The following TAFA1 variants were observed in gnomAD, a reference collection of about 807,000 sequenced individuals.
TAFA1 encodes the protein TAFA chemokine like family member 1, also known as chemokine-like protein TAFA-1.
TAFA1 carries 4 observed loss-of-function variants against 18.5 expected under a neutral mutation model. The ratio of observed to expected loss-of-function variants is 0.22; its 90% CI spans 0.11 to 0.49. TAFA1 has a LOEUF of 0.49. TAFA1 is among the 20% of genes least tolerant of loss of function. The pLI is 0.98. For synonymous variants in TAFA1, 56 were observed against 55.2 expected, an observed-to-expected ratio of 1.01 and a Z score of -0.06; for missense variants, 147 against 169.0, an observed-to-expected ratio of 0.87 and a Z score of 0.72.
intron 2 of TAFA1, among the ~76,000 whole-genome samples, chr3:68,104,540 A>G (rs1170112740): frequency 6.6e-6 from 1 of 152,110 alleles, no homozygotes; most frequent in Non-Finnish European, 1.5e-5. Context: ...AACAAATTAC[A>G]TTCAAATGAA....
rs536549315 is a variant in TAFA1 at position 68,272,976 on chromosome 3, C to T, written c.119-144304C>T. On this transcript the variant is annotated intron_variant, in intron 2 of 4. Transcript: ENST00000478136. The stretch of plus-strand genomic sequence containing the variant: ...AGGGCCTGGCCTGGCCTGTTCTGTC[C>T]GTATCTCTATGCTATCCATGGGAGT... Among the ~76,000 whole-genome samples, 23 of 151,948 alleles carry T rather than the reference C, an allele frequency of 1.5e-4. No homozygotes were observed. In the South Asian group the frequency reaches 2.7e-3, roughly 18 times the overall value.
At chr3:68,318,915 A>G (rs2068650943) in intron 2 of TAFA1, among the ~76,000 whole-genome samples, 1 of 152,198 alleles carries the variant, frequency 6.6e-6, no homozygotes, top group African/African-American at 2.4e-5. Context: ...AACTAGAAAC[A>G]GAATTCATAA....
At chr3:68,366,122 T>C (rs1285557885) in intron 2 of TAFA1, among the ~76,000 whole-genome samples, 6 of 148,362 alleles carry the variant, frequency 4.0e-5, no homozygotes, top group African/African-American at 1.5e-4. Flanking sequence ...TCAGATCTCG[T>C]GAGACTTATT....
intron 2 of TAFA1, among the ~76,000 whole-genome samples, chr3:68,085,501 A>T (rs1398724212): frequency 1.3e-5 from 2 of 152,210 alleles, no homozygotes; most frequent in Non-Finnish European, 2.9e-5. Flanking sequence ...ATTCTCCTGG[A>T]GGTTAAATGT....
intron 2 of TAFA1, among the ~76,000 whole-genome samples, chr3:68,129,203 A>G (rs1446315216): frequency 6.6e-6 from 1 of 152,216 alleles, no homozygotes; most frequent in Non-Finnish European, 1.5e-5. Context: ...TTTGCCTAAC[A>G]TCAGACAGCT....
chr3:68,179,622 C>G (rs1365941584), intron 2 of TAFA1, among the ~76,000 whole-genome samples: 1 of 152,202 alleles, frequency 6.6e-6, no homozygotes, highest in African/African-American at 2.4e-5. Flanking sequence ...TTGTTTGCAA[C>G]TCCAGCCCTG....
intron 2 of TAFA1, among the ~76,000 whole-genome samples, chr3:68,073,880 G>C (rs545496342): frequency 6.6e-6 from 1 of 152,124 alleles, no homozygotes; most frequent in Non-Finnish European, 1.5e-5. Context: ...CAGGTTTTGT[G>C]GAAGACAATT....
chr3:68,387,728 C>T (rs1180227792), intron 2 of TAFA1, among the ~76,000 whole-genome samples: 1 of 152,120 alleles, frequency 6.6e-6, no homozygotes, highest in East Asian at 1.9e-4. Context: ...AAAGATTCCC[C>T]ATATGAGGTC....
In TAFA1 at chr3:68,107,357, C is replaced by T. The variant is rs555340068; in HGVS notation, c.118+100613C>T. 2.0e-5 allele frequency among the ~76,000 whole-genome samples: 3 copies of T among 152,192 alleles called. No individual in the cohort carries two copies. In the South Asian group the frequency reaches 6.2e-4, roughly 32 times the overall value. ...CATTAATGTTAATAGCAGTTTTATT[C>T]ATACTTGCCCCAAACTGGAAACAAT... On this transcript the variant is annotated intron_variant, in intron 2 of 4. Coordinates refer to ENST00000478136, the MANE Select transcript of TAFA1 (RefSeq NM_213609.4).
chr3:68,371,248 T>C (rs2069701149), intron 2 of TAFA1, among the ~76,000 whole-genome samples: 1 of 152,206 alleles, frequency 6.6e-6, no homozygotes, highest in Non-Finnish European at 1.5e-5. Context: ...CTGGAATACA[T>C]GTGCAGAACG....
At chr3:68,243,078 AT>A (rs141209592) in intron 2 of TAFA1, among the ~76,000 whole-genome samples, 3,857 of 149,402 alleles carry the variant, frequency 0.026, 168 homozygotes, top group African/African-American at 0.088. Flanking sequence ...TTCTTTAATG[AT>A]TTTTTTTTTC....
intron 2 of TAFA1, among the ~76,000 whole-genome samples, chr3:68,227,433 T>G (rs928631820): frequency 6.6e-6 from 1 of 152,188 alleles, no homozygotes; most frequent in Admixed American, 6.5e-5. Flanking sequence ...AACATAATTA[T>G]GTGGGCTGGA....
At chr3:68,041,979 G>T (rs777802732) in intron 2 of TAFA1, among the ~76,000 whole-genome samples, 38 of 152,100 alleles carry the variant, frequency 2.5e-4, no homozygotes, top group Non-Finnish European at 2.9e-4. Flanking sequence ...CACCATCCGT[G>T]CTGTTATCAT....
At chr3:68,131,864 G>A (rs1021628367) in intron 2 of TAFA1, among the ~76,000 whole-genome samples, 3 of 114,198 alleles carry the variant, frequency 2.6e-5, no homozygotes, top group Non-Finnish European at 5.3e-5. Flanking sequence ...AATGATCATA[G>A]AAACTCCCTA....
At chr3:68,444,810 AT>A (rs2106878696) in intron 3 of TAFA1, among the ~76,000 whole-genome samples, 1 of 126,290 alleles carries the variant, frequency 7.9e-6, no homozygotes, top group South Asian at 2.5e-4. Flanking sequence ...ATATATATAT[AT>A]AAAATAAATT....
At chr3:68,508,926 G>A (rs1293159971) in intron 3 of TAFA1, among the ~76,000 whole-genome samples, 1 of 151,882 alleles carries the variant, frequency 6.6e-6, no homozygotes, top group East Asian at 1.9e-4. Context: ...ACAACAGAAG[G>A]AAGAAGAGCA....
At chr3:68,355,223 C>T (rs1345195959) in intron 2 of TAFA1, among the ~76,000 whole-genome samples, 1 of 151,946 alleles carries the variant, frequency 6.6e-6, no homozygotes, top group Non-Finnish European at 1.5e-5. Flanking sequence ...GAGCCCCAGA[C>T]ACTCAGTCAA....
intron 3 of TAFA1, among the ~76,000 whole-genome samples, chr3:68,522,349 C>T (rs1271860638): frequency 1.3e-5 from 2 of 152,128 alleles, no homozygotes; most frequent in Admixed American, 6.6e-5. Context: ...AAAGTCTCTA[C>T]TCGATGGGCC....
chr3:68,434,645 A>C (rs974309407), intron 3 of TAFA1, among the ~76,000 whole-genome samples: 1 of 152,138 alleles, frequency 6.6e-6, no homozygotes, highest in Non-Finnish European at 1.5e-5. Context: ...ATTTACACAT[A>C]ACTTGTGACC....
Sources: gnomAD v4.1 joint callset for allele counts (sites outside exome capture counted in the v4.1 genomes callset) on GRCh38, gnomAD v4.1.1 for gene constraint, MANE v1.5 for transcripts, NCBI Gene and HGNC (gene_info 2026-07-23, HGNC 2026-07-21) for gene names.